FOXN4: variants seen among roughly 807,000 people sequenced by gnomAD.
FOXN4 encodes forkhead box N4.
Under a neutral mutation model 45.0 loss-of-function variants are expected in FOXN4, and 12 were observed. The ratio of observed to expected loss-of-function variants is 0.27; its 90% CI spans 0.17 to 0.43. FOXN4 has a LOEUF of 0.43. Among genes scored for constraint, FOXN4 ranks in the 20% least tolerant of loss-of-function variants. FOXN4 has a pLI of 1.00. For synonymous variants in FOXN4, 297 were observed against 295.0 expected (o/e 1.01, Z -0.07); for missense variants, 560 against 694.9 (o/e 0.81, Z 2.18).
rs928176189 is a variant in FOXN4, at chr12:109,288,185, C to G, written c.233-5G>C. 2 of 1,547,508 alleles carry G rather than the reference C, an allele frequency of 1.3e-6. No homozygotes were observed. Among genetic ancestry groups the G allele is most frequent in the Non-Finnish European group, 1.7e-6 (2 of 1,146,324 alleles). On this transcript the variant is annotated splice_region_variant and splice_polypyrimidine_tract_variant and intron_variant, in intron 3 of 9. Coordinates refer to ENST00000299162, the MANE Select transcript of FOXN4 (RefSeq NM_213596.3). This position sits in a 1 kb window ranked among gnomAD's most constrained non-coding sequence, Gnocchi z 4.3. ...CGGCCACCCCAGCCAAGGCACCTGCCGGAGAGAAGCACAGAGACGCTGCTG... is the reference window on the plus strand; with the variant it reads ...CGGCCACCCCAGCCAAGGCACCTGCGGGAGAGAAGCACAGAGACGCTGCTG...
intron 2 of FOXN4, among the ~76,000 whole-genome samples, chr12:109,298,333 T>G (rs955356583): frequency 1.2e-4 from 15 of 128,340 alleles, no homozygotes; most frequent in South Asian, 2.3e-4. Context: ...TGTTTCAGGT[T>G]TTTTTTTTTT....
intron 8 of FOXN4, 109 bp downstream of exon 8, chr12:109,285,195 A>G (rs1378967385): frequency 7.3e-7 from 1 of 1,375,338 alleles, no homozygotes; most frequent in Non-Finnish European, 1.0e-6. Flanking sequence ...CATCGGCTTC[A>G]CCAGGGTTGG....
rs61741949 is a variant in FOXN4, at chr12:109,281,754, C to T, written c.947G>A (p.Arg316His). ...CTCTGGTTCCCCCGGTTTGCCGGGG[C>T]GCCGGCAGCTTTCAGGCCGGTCGGA... Reference protein sequence around the residue: ...LISDRPESCRRPGKPGEPEAP... With the variant: ...LISDRPESCRHPGKPGEPEAP... The change falls in exon 9 of 10, where the codon CGC (arginine) becomes CAC (histidine). Residue 316 changes from arginine (R) to histidine (H), a missense_variant. Arg to His is a conservative substitution (Grantham distance 29). This residue lies in a region of FOXN4 where 315 missense variants were observed against 350.5 expected (regional missense o/e 0.90). Transcript: ENST00000299162. The T allele has an allele frequency of 7.8e-3, 12,492 of 1,603,330 alleles. 70 individuals carry two copies. The highest frequency in any genetic ancestry group is 8.6e-3 in the Non-Finnish European group (10,071 of 1,175,306).
At position 109,286,703 on chromosome 12, in the gene FOXN4, C is replaced by T. The variant is rs577259342; in HGVS notation, c.638G>A (p.Ser213Asn). The T allele has an allele frequency of 2.5e-6, 4 of 1,608,994 alleles. No homozygotes were observed. The highest frequency in any genetic ancestry group is 2.2e-5 in the East Asian group (1 of 44,832). ...AMALKNSKTGSLPVSEIYSFM... is the reference protein window; with the variant it reads ...AMALKNSKTGNLPVSEIYSFM... The stretch of plus-strand genomic sequence containing the variant: ...GCTGTAGATCTCGCTCACAGGCAGG[C>T]TGCCTGTCTTGCTGTTCTTCAGGGC... The change falls in exon 7 of 10, where the codon AGC becomes AAC. Residue 213 changes from serine to asparagine, a missense_variant. Ser to Asn is a conservative substitution (Grantham distance 46). Transcript: ENST00000299162.
At chr12:109,301,592 G>A (rs2047869443) in intron 2 of FOXN4, among the ~76,000 whole-genome samples, 1 of 152,150 alleles carries the variant, frequency 6.6e-6, no homozygotes, top group Non-Finnish European at 1.5e-5. Context: ...CCTCTGCCTG[G>A]AATGCTGTTC....
intron 2 of FOXN4, among the ~76,000 whole-genome samples, chr12:109,296,339 A>C (rs1226692115): frequency 5.9e-5 from 9 of 152,194 alleles, no homozygotes; most frequent in Non-Finnish European, 1.2e-4. Flanking sequence ...CCTCCGTTGC[A>C]CTAAAGGTCC....
chr12:109,300,724 C>A (rs2047861258), intron 2 of FOXN4, among the ~76,000 whole-genome samples: 1 of 152,126 alleles, frequency 6.6e-6, no homozygotes, highest in Non-Finnish European at 1.5e-5. Context: ...GCCTGGACAA[C>A]ATACTGACAC....
chr12:109,296,059 C>CT (rs2047813635), intron 2 of FOXN4, among the ~76,000 whole-genome samples: 1 of 152,238 alleles, frequency 6.6e-6, no homozygotes, highest in South Asian at 2.1e-4. Flanking sequence ...TCCCCTTTCT[C>CT]TGACATGGCG....
intron 2 of FOXN4, among the ~76,000 whole-genome samples, chr12:109,304,270 A>AGAAAGAAAGAAAGAAAGAAAGAAAGAAG (rs2047897125): frequency 2.0e-5 from 2 of 100,290 alleles, no homozygotes; most frequent in African/African-American, 8.5e-5. Context: ...AAAGAAAGAA[A>AGAAAGAAAGAAAGAAAGAAAGAAAGAAG]GAAAGAAAGA....
Position 109,281,763 on chromosome 12 carries a change from C to T in FOXN4, c.938G>A (p.Ser313Asn), listed in dbSNP as rs2047655518. 8.1e-6 allele frequency: 13 copies of T among 1,600,230 alleles called. No individual in the cohort carries two copies. The highest frequency in any genetic ancestry group is 1.0e-5 in the Non-Finnish European group (12 of 1,174,266). ...LDKLISDRPE[S>N]CRRPGKPGEP... ...CCCCGGTTTGCCGGGGCGCCGGCAGCTTTCAGGCCGGTCGGAGATCAGCTT... is the reference window on the plus strand; with the variant it reads ...CCCCGGTTTGCCGGGGCGCCGGCAGTTTTCAGGCCGGTCGGAGATCAGCTT... The change falls in exon 9 of 10, where the codon AGC becomes AAC. Residue 313 changes from serine to asparagine, a missense_variant. Physicochemically the swap from Ser to Asn is conservative, Grantham distance 46 (BLOSUM62 1). Coordinates refer to ENST00000299162, the MANE Select transcript of FOXN4 (RefSeq NM_213596.3).
At chr12:109,303,260 G>A (rs989240351) in intron 2 of FOXN4, among the ~76,000 whole-genome samples, 1 of 152,148 alleles carries the variant, frequency 6.6e-6, no homozygotes, top group African/African-American at 2.4e-5. Flanking sequence ...GTGAAGGGAT[G>A]GGAAGACATC....
At chr12:109,301,536 A>G (rs2047869068) in intron 2 of FOXN4, among the ~76,000 whole-genome samples, 1 of 152,034 alleles carries the variant, frequency 6.6e-6, no homozygotes, top group East Asian at 1.9e-4. Context: ...CAGTTCCTCA[A>G]ACATTCTAAT....
At position 109,287,710 on chromosome 12, in the gene FOXN4, A is replaced by AC. The variant is rs1056710534; in HGVS notation, c.468+133dup. The AC allele has an allele frequency of 9.1e-7, 1 of 1,099,206 alleles. No individual in the cohort carries two copies. Among genetic ancestry groups the AC allele is most frequent in the Middle Eastern group, 2.7e-4 (1 of 3,672 alleles). 68.1% of individuals were successfully genotyped at this position (1,099,206 alleles called of 1,614,324 possible). A position where few individuals can be genotyped will look rare whatever the true frequency, so the allele number is the denominator to read the frequency against. On this transcript the variant is annotated intron_variant, in intron 5 of 9. Transcript: ENST00000299162. This position sits in a 1 kb window ranked among gnomAD's most constrained non-coding sequence, Gnocchi z 4.1. ...GAGTTTTGGGGGAACGGAATGAATG[A>AC]CCCCATGACATGAGCATGGAGGGAA...
intron 1 of FOXN4, 139 bp downstream of exon 1, chr12:109,308,980 T>C (rs1021145809): frequency 2.0e-5 from 3 of 152,192 alleles, no homozygotes; most frequent in Non-Finnish European, 4.4e-5. Context: ...CCCAAAGCCA[T>C]CGAAGGATTC....
chr12:109,297,207 G>T (rs149480843), intron 2 of FOXN4, among the ~76,000 whole-genome samples: 1 of 152,382 alleles, frequency 6.6e-6, no homozygotes, highest in Non-Finnish European at 1.5e-5. Context: ...ACAGAAGGAG[G>T]TGAGTAGCAG....
chr12:109,285,199 G>C, intron 8 of FOXN4, 105 bp downstream of exon 8: 3 of 1,407,344 alleles, frequency 2.1e-6, no homozygotes, highest in Non-Finnish European at 2.9e-6. Context: ...GGCTTCACCA[G>C]GGTTGGCCAT....
At chr12:109,304,233 A>G (rs866490854) in intron 2 of FOXN4, among the ~76,000 whole-genome samples, 1 of 55,568 alleles carries the variant, frequency 1.8e-5, no homozygotes, top group African/African-American at 8.1e-5. Context: ...GAAAGAAAGA[A>G]AGAAAGAAAG....
At chr12:109,298,314 G>A (rs1028261427) in intron 2 of FOXN4, among the ~76,000 whole-genome samples, 4 of 150,844 alleles carry the variant, frequency 2.7e-5, no homozygotes, top group Non-Finnish European at 4.4e-5. Context: ...CAACCTGTAC[G>A]GTTCCTTTTG....
intron 2 of FOXN4, among the ~76,000 whole-genome samples, chr12:109,304,283 GA>G (rs1299477034): frequency 1.5e-3 from 83 of 55,884 alleles, no homozygotes; most frequent in African/African-American, 5.8e-3. Flanking sequence ...AAGAAAGAAA[GA>G]AAGAAAGAAA....
Sources: gnomAD v4.1 joint callset for allele counts (sites outside exome capture counted in the v4.1 genomes callset) on GRCh38, gnomAD v4.1.1 for gene constraint, gnomAD v4.1.1 regional missense constraint, Gnocchi (gnomAD v3.1) non-coding constraint, MANE v1.5 for transcripts, NCBI Gene and HGNC (gene_info 2026-07-23, HGNC 2026-07-21) for gene names.